Variants in UNC5D observed in about 807,000 individuals in gnomAD.
The protein encoded by UNC5D is netrin receptor UNC5D.
In UNC5D, 39 loss-of-function variants were observed where a neutral mutation model predicts 105.4. That is an observed-to-expected ratio of 0.37 (90% CI 0.29 to 0.48). The LOEUF (loss-of-function observed/expected upper bound fraction) is 0.48, where lower values mean the gene tolerates loss of function less well. Ranked by LOEUF, UNC5D falls within the 20% of genes least tolerant of loss-of-function variation. The probability of loss-of-function intolerance (pLI) is 0.98; values close to 1 mark genes in which losing one functional copy is unlikely to be tolerated. For missense variants in UNC5D, 991 were observed against 1,202.4 expected (o/e 0.82, Z 2.60); for synonymous variants, 452 against 450.4 (o/e 1.00, Z -0.04).
chr8:35,726,107 G>A (rs753615166), intron 9 of UNC5D, 45 bp from the exon 10 acceptor site: 3 of 1,570,318 alleles, frequency 1.9e-6, no homozygotes, highest in East Asian at 2.3e-5. Context: ...GAGTAACTGA[G>A]ATGCCTTTTA....
chr8:35,281,576 A>T (rs1806167532), intron 1 of UNC5D, among the ~76,000 whole-genome samples: 1 of 152,004 alleles, frequency 6.6e-6, no homozygotes. Flanking sequence ...AGTAGCTGGG[A>T]CTGCAGGCAT....
chr8:35,418,029 A>C (rs945484567), intron 1 of UNC5D, among the ~76,000 whole-genome samples: 3 of 152,190 alleles, frequency 2.0e-5, no homozygotes, highest in Admixed American at 2.0e-4. Context: ...GAGTCCATTC[A>C]TTTCTCATTT....
At chr8:35,643,329 T>A (rs905678782) in intron 4 of UNC5D, among the ~76,000 whole-genome samples, 10 of 152,122 alleles carry the variant, frequency 6.6e-5, no homozygotes, top group African/African-American at 2.2e-4. Flanking sequence ...CTCTCCTCCT[T>A]TTTGCAGCCC....
chr8:35,574,622 G>A (rs114666724), intron 3 of UNC5D, among the ~76,000 whole-genome samples: 1,962 of 152,234 alleles, frequency 0.013, 56 homozygotes, highest in African/African-American at 0.045. Flanking sequence ...TATGGATCTT[G>A]GCTTCATGGC....
intron 4 of UNC5D, among the ~76,000 whole-genome samples, chr8:35,669,006 T>C (rs1042372919): frequency 3.3e-4 from 51 of 152,254 alleles, no homozygotes; most frequent in African/African-American, 1.1e-3. Context: ...TCTTCAGTGG[T>C]GTGTCCTAAC....
chr8:35,640,949 A>G (rs1586315702), intron 4 of UNC5D, among the ~76,000 whole-genome samples: 1 of 151,912 alleles, frequency 6.6e-6, no homozygotes, highest in Admixed American at 6.6e-5. Flanking sequence ...TCTTTCTAAT[A>G]GTTCTCTGAA....
At position 35,533,845 on chromosome 8, in the gene UNC5D, A is replaced by C. The variant is rs1814616035; in HGVS notation, c.104-15447A>C. 3.9e-5 allele frequency among the ~76,000 whole-genome samples: 6 copies of C among 152,116 alleles called. 3 individuals are homozygous for C. The highest frequency in any genetic ancestry group is 3.9e-4 in the Admixed American group (6 of 15,282). ...CCATCACCCCTTTCTTTGACTCGCA[A>C]AGGGGACTCCCTGACCCCTTGCGCT... On this transcript the variant is annotated intron_variant, in intron 1 of 16. Coordinates refer to ENST00000404895, the MANE Select transcript of UNC5D (RefSeq NM_080872.4).
At chr8:35,729,427 T>C (rs1366314134) in intron 10 of UNC5D, among the ~76,000 whole-genome samples, 11 of 152,202 alleles carry the variant, frequency 7.2e-5, no homozygotes, top group Non-Finnish European at 1.6e-4. Context: ...ATAAGTGTAA[T>C]TGATTTAATA....
At chr8:35,374,647 T>A (rs775066858) in intron 1 of UNC5D, among the ~76,000 whole-genome samples, 1 of 152,200 alleles carries the variant, frequency 6.6e-6, no homozygotes, top group African/African-American at 2.4e-5. Flanking sequence ...AAGGACACAC[T>A]AAATTCCCGT....
At chr8:35,755,508 A>G (rs770308920) in intron 13 of UNC5D, among the ~76,000 whole-genome samples, 5 of 145,502 alleles carry the variant, frequency 3.4e-5, no homozygotes, top group Non-Finnish European at 7.4e-5. Flanking sequence ...AAGTTCAAAC[A>G]GTTTTGTCTC....
At chr8:35,258,993 C>T (rs1804264627) in intron 1 of UNC5D, among the ~76,000 whole-genome samples, 1 of 152,154 alleles carries the variant, frequency 6.6e-6, no homozygotes, top group African/African-American at 2.4e-5. Context: ...GAGAAGTACT[C>T]TTCCCCCTGG....
chr8:35,496,812 A>G (rs375119593), intron 1 of UNC5D, among the ~76,000 whole-genome samples: 74 of 152,278 alleles, frequency 4.9e-4, no homozygotes, highest in African/African-American at 1.7e-3. Flanking sequence ...TAGCCCTACA[A>G]AGCAGCTATT....
chr8:35,577,634 C>T (rs1250753470), intron 3 of UNC5D, among the ~76,000 whole-genome samples: 1 of 152,162 alleles, frequency 6.6e-6, no homozygotes, highest in African/African-American at 2.4e-5. Context: ...ATTGTAAAGA[C>T]ATCTGTGAAA....
chr8:35,505,927 T>A (rs555953627), intron 1 of UNC5D, among the ~76,000 whole-genome samples: 51 of 152,338 alleles, frequency 3.3e-4, no homozygotes, highest in African/African-American at 1.2e-3. Context: ...AGAGGGTTAT[T>A]GTGATAATGA....
intron 1 of UNC5D, among the ~76,000 whole-genome samples, chr8:35,419,010 C>T (rs937020062): frequency 8.5e-5 from 13 of 152,154 alleles, no homozygotes; most frequent in South Asian, 2.1e-4. Context: ...TGTTAAGGTG[C>T]AATAGCAGAA....
At chr8:35,775,195 A>G (rs562345901) in intron 16 of UNC5D, among the ~76,000 whole-genome samples, 8 of 152,326 alleles carry the variant, frequency 5.3e-5, no homozygotes, top group Non-Finnish European at 8.8e-5. Flanking sequence ...TAATGAGGAC[A>G]TGCTCAACCT....
chr8:35,477,695 C>T (rs548673686), intron 1 of UNC5D, among the ~76,000 whole-genome samples: 1 of 152,104 alleles, frequency 6.6e-6, no homozygotes, highest in East Asian at 1.9e-4. Context: ...AGTCTCGTGG[C>T]CCCTGAACTT....
intron 1 of UNC5D, among the ~76,000 whole-genome samples, chr8:35,357,518 G>T (rs1318564578): frequency 6.6e-6 from 1 of 152,132 alleles, no homozygotes; most frequent in East Asian, 1.9e-4. Context: ...ACCGAAGCAG[G>T]TTAATTCTAA....
chr8:35,674,718 G>T (rs1345144768), intron 4 of UNC5D, among the ~76,000 whole-genome samples: 2 of 152,106 alleles, frequency 1.3e-5, no homozygotes, highest in East Asian at 3.9e-4. Context: ...CGTGCTTCCG[G>T]GAATCCCATC....
Sources: gnomAD v4.1 joint callset for allele counts (sites outside exome capture counted in the v4.1 genomes callset) on GRCh38, gnomAD v4.1.1 for gene constraint, MANE v1.5 for transcripts, NCBI Gene and HGNC (gene_info 2026-07-23, HGNC 2026-07-21) for gene names.